Variants in LRBA observed in about 807,000 individuals in gnomAD.
The protein encoded by LRBA is lipopolysaccharide-responsive and beige-like anchor protein.
A neutral mutation model predicts 330.0 loss-of-function variants in LRBA; 176 were observed. The ratio of observed to expected loss-of-function variants is 0.53; its 90% CI spans 0.47 to 0.60. LRBA has a LOEUF of 0.60. LRBA is among the 20% of genes least tolerant of loss of function. The pLI, the probability that LRBA is intolerant of heterozygous loss-of-function variation, is 0.00. For missense variants in LRBA, 3,259 were observed against 3,444.8 expected (o/e 0.95, Z 1.35); for synonymous variants, 1,230 against 1,193.0 (o/e 1.03, Z -0.64).
At chr4:150,796,429 G>A (rs1477603331) in intron 34 of LRBA, among the ~76,000 whole-genome samples, 1 of 151,728 alleles carries the variant, frequency 6.6e-6, no homozygotes, top group African/African-American at 2.4e-5. Flanking sequence ...AGATGCCATG[G>A]AACTTTTGAA....
chr4:150,473,646 C>A (rs1756400572), intron 42 of LRBA, among the ~76,000 whole-genome samples: 1 of 152,112 alleles, frequency 6.6e-6, no homozygotes, highest in South Asian at 2.1e-4. Context: ...CTTACCCCAT[C>A]CCTCTCTCCT....
intron 30 of LRBA, among the ~76,000 whole-genome samples, chr4:150,823,359 C>A (rs1745752832): frequency 6.6e-6 from 1 of 151,884 alleles, no homozygotes; most frequent in African/African-American, 2.4e-5. Flanking sequence ...TTATTAGAAC[C>A]CTTGTCAGTT....
rs145606052 is a variant in LRBA, at chr4:150,745,761, G to A, written c.5646-10395C>T. Among the ~76,000 whole-genome samples, 697 of 151,994 alleles carry A rather than the reference G, an allele frequency of 4.6e-3. 8 individuals are homozygous for A. Among genetic ancestry groups the A allele is most frequent in the African/African-American group, 0.015 (626 of 41,480 alleles). ...GATCTCCTGATCTCATGATCTGCCC[G>A]CCTTGGCCTCCCAAAGTGCTGGGAT... On this transcript the variant is annotated intron_variant, in intron 35 of 56. Transcript: ENST00000651943.
intron 38 of LRBA, 37 bp from the exon 39 acceptor site, chr4:150,590,896 T>G (rs1470455802): frequency 1.2e-6 from 2 of 1,605,762 alleles, no homozygotes; most frequent in Non-Finnish European, 1.7e-6. Context: ...CCATCAGTTC[T>G]GGGAAGAGCA....
chr4:150,963,594 G>T (rs928228086), intron 2 of LRBA, among the ~76,000 whole-genome samples: 1 of 149,562 alleles, frequency 6.7e-6, no homozygotes, highest in African/African-American at 2.6e-5. Context: ...TGCAGCCTCT[G>T]CCCGGCTGCC....
At chr4:150,599,429 T>C (rs1581781640) in intron 37 of LRBA, among the ~76,000 whole-genome samples, 1 of 152,334 alleles carries the variant, frequency 6.6e-6, no homozygotes, top group East Asian at 1.9e-4. Context: ...CCCCACACTC[T>C]AGTGGCATGT....
At chr4:150,905,761 C>A in intron 13 of LRBA, 77 bp downstream of exon 13, 5 of 1,266,838 alleles carry the variant, frequency 3.9e-6, no homozygotes, top group South Asian at 3.4e-5. Flanking sequence ...AAAAGAAAAT[C>A]CTCTTAATTA....
intron 37 of LRBA, among the ~76,000 whole-genome samples, chr4:150,602,741 T>C (rs940407220): frequency 6.6e-6 from 1 of 152,154 alleles, no homozygotes; most frequent in African/African-American, 2.4e-5. Context: ...GGATACAAAA[T>C]TGGCAAATTT....
intron 47 of LRBA, among the ~76,000 whole-genome samples, chr4:150,356,436 T>C (rs531513086): frequency 3.9e-5 from 6 of 152,178 alleles, no homozygotes; most frequent in Admixed American, 1.3e-4. Flanking sequence ...GGCTCTGAAT[T>C]TGCAGTGAAT....
At chr4:150,434,826 C>T (rs752530111) in intron 46 of LRBA, among the ~76,000 whole-genome samples, 8 of 151,346 alleles carry the variant, frequency 5.3e-5, no homozygotes, top group African/African-American at 1.9e-4. Flanking sequence ...CACTGCACCT[C>T]TAGCCTGAGT....
At chr4:150,343,342 T>G (rs1240385315) in intron 48 of LRBA, among the ~76,000 whole-genome samples, 3 of 152,246 alleles carry the variant, frequency 2.0e-5, no homozygotes, top group Non-Finnish European at 4.4e-5. Context: ...CACTTCTATT[T>G]TCTTTATAGC....
intron 2 of LRBA, among the ~76,000 whole-genome samples, chr4:150,988,960 T>C (rs1184359103): frequency 6.6e-6 from 1 of 152,076 alleles, no homozygotes; most frequent in Admixed American, 6.6e-5. Flanking sequence ...GGGGACACGG[T>C]AATTATCATT....
intron 40 of LRBA, among the ~76,000 whole-genome samples, chr4:150,552,031 G>T (rs1273136119): frequency 6.6e-6 from 1 of 151,998 alleles, no homozygotes; most frequent in Non-Finnish European, 1.5e-5. Flanking sequence ...CTCATAAGGA[G>T]CACGCAACCT....
chr4:150,571,796 A>T (rs1280050781), intron 40 of LRBA, among the ~76,000 whole-genome samples: 1 of 151,552 alleles, frequency 6.6e-6, no homozygotes, highest in African/African-American at 2.4e-5. Flanking sequence ...GTTAAACAAG[A>T]TATCATAGCA....
intron 33 of LRBA, among the ~76,000 whole-genome samples, chr4:150,800,471 C>T (rs1307070748): frequency 2.6e-5 from 4 of 152,154 alleles, no homozygotes; most frequent in Admixed American, 6.5e-5. Flanking sequence ...GTAGAACTTA[C>T]GTCACTTCTA....
intron 2 of LRBA, among the ~76,000 whole-genome samples, chr4:150,963,531 G>A (rs1321710860): frequency 6.7e-6 from 1 of 149,406 alleles, no homozygotes; most frequent in South Asian, 2.1e-4. Context: ...ATCTCGAATC[G>A]CTACAACCTC....
chr4:150,591,614 G>C (rs1450741230), intron 38 of LRBA, among the ~76,000 whole-genome samples: 2 of 152,080 alleles, frequency 1.3e-5, no homozygotes, highest in Non-Finnish European at 2.9e-5. Flanking sequence ...GCACCCCGGG[G>C]GCAAACATAA....
intron 40 of LRBA, among the ~76,000 whole-genome samples, chr4:150,493,852 C>A (rs77786135): frequency 0.14 from 21,874 of 152,170 alleles, 1,628 homozygotes; most frequent in Middle Eastern, 0.18. Flanking sequence ...CTGGTAATTG[C>A]TGAGCTTTGG....
At chr4:150,860,317 A>G (rs1364234628) in intron 22 of LRBA, among the ~76,000 whole-genome samples, 1 of 152,164 alleles carries the variant, frequency 6.6e-6, no homozygotes. Context: ...ATGTATTTTT[A>G]AAAGTATACT....
Sources: allele counts gnomAD v4.1 joint callset (sites outside exome capture counted in the v4.1 genomes callset), GRCh38; gene constraint gnomAD v4.1.1; transcripts MANE v1.5; gene names NCBI Gene and HGNC (gene_info 2026-07-23, HGNC 2026-07-21).